Variants in RBMS3 observed in about 807,000 individuals in gnomAD.
The protein encoded by RBMS3 is RNA binding motif single stranded interacting protein 3.
In RBMS3, 27 loss-of-function variants were observed where a neutral mutation model predicts 66.8. The ratio of observed to expected loss-of-function variants is 0.40; its 90% CI spans 0.30 to 0.56. RBMS3 has a LOEUF of 0.56. Ranked by LOEUF, RBMS3 falls within the 20% of genes least tolerant of loss-of-function variation. The pLI is 0.40. For synonymous variants in RBMS3, 188 were observed against 183.0 expected, an observed-to-expected ratio of 1.03 and a Z score of -0.22; for missense variants, 513 against 549.5, an observed-to-expected ratio of 0.93 and a Z score of 0.66.
intron 1 of RBMS3, among the ~76,000 whole-genome samples, chr3:29,286,576 A>G (rs1176924013): frequency 6.6e-6 from 1 of 150,486 alleles, no homozygotes; most frequent in East Asian, 1.9e-4. Flanking sequence ...GCACAAAATT[A>G]TAGCACAAAA....
intron 3 of RBMS3, among the ~76,000 whole-genome samples, chr3:29,549,782 G>A: frequency 6.6e-6 from 1 of 151,688 alleles, no homozygotes; most frequent in Non-Finnish European, 1.5e-5. Flanking sequence ...CTATGCTAGT[G>A]CACAGAGAAA....
At chr3:29,585,965 A>G (rs1412979269) in intron 3 of RBMS3, among the ~76,000 whole-genome samples, 1 of 152,102 alleles carries the variant, frequency 6.6e-6, no homozygotes, top group East Asian at 1.9e-4. Flanking sequence ...TAATTAAAAG[A>G]AACAACTTCG....
intron 11 of RBMS3, among the ~76,000 whole-genome samples, chr3:29,940,879 T>C (rs1162376730): frequency 6.6e-6 from 1 of 151,848 alleles, no homozygotes; most frequent in African/African-American, 2.4e-5. Context: ...CAGCATTCCC[T>C]TGATGGAACC....
chr3:29,330,984 T>C (rs1055418424), intron 1 of RBMS3, among the ~76,000 whole-genome samples: 11 of 152,172 alleles, frequency 7.2e-5, no homozygotes, highest in African/African-American at 1.9e-4. Flanking sequence ...ATTGTATTTT[T>C]ATATTAATGC....
At chr3:29,599,763 A>C (rs1327652831) in intron 4 of RBMS3, among the ~76,000 whole-genome samples, 1 of 151,928 alleles carries the variant, frequency 6.6e-6, no homozygotes, top group Non-Finnish European at 1.5e-5. Context: ...AACTCAGAAA[A>C]GGATAGAATA....
Position 29,477,018 on chromosome 3 carries a change from C to T in RBMS3, c.249-11423C>T, listed in dbSNP as rs138375661. ...TTATTCATAGTAATACTCAAAACTG[C>T]GTATCTATTAAAAAGCTTACAGCAG... On this transcript the variant is annotated intron_variant, in intron 2 of 14. Transcript: ENST00000383767. Among the ~76,000 whole-genome samples, 46 of 152,218 alleles carry T rather than the reference C, an allele frequency of 3.0e-4. No individual in the cohort carries two copies. The East Asian group carries it at 6.6e-3, about 22-fold the overall frequency.
intron 7 of RBMS3, among the ~76,000 whole-genome samples, chr3:29,873,764 A>C (rs764460275): frequency 2.7e-4 from 41 of 152,156 alleles, no homozygotes; most frequent in Non-Finnish European, 5.3e-4. Context: ...ATGTTCCTTC[A>C]AAACCTTGTT....
chr3:29,586,153 C>T (rs2047513979), intron 3 of RBMS3, among the ~76,000 whole-genome samples: 1 of 152,018 alleles, frequency 6.6e-6, no homozygotes, highest in Non-Finnish European at 1.5e-5. Context: ...GTATAGGATA[C>T]ATATGGTGAG....
rs1576618260 is a variant in RBMS3, at chr3:29,722,964, C to CA, written c.400-16756_400-16755insA. Among the ~76,000 whole-genome samples, 3 of 150,944 alleles carry CA rather than the reference C, an allele frequency of 2.0e-5. No homozygotes were observed. In the South Asian group the frequency reaches 6.3e-4, roughly 32 times the overall value. On this transcript the variant is annotated intron_variant, in intron 4 of 14. Coordinates refer to ENST00000383767, the MANE Select transcript of RBMS3 (RefSeq NM_001003793.3). ...AGTTCCTATCAGACTTTTACTCACTCTTTTTTTTTCTTTTCTTTTTTGTTT... is the reference window on the plus strand; with the variant it reads ...AGTTCCTATCAGACTTTTACTCACTCATTTTTTTTTCTTTTCTTTTTTGTTT...
At chr3:29,761,237 C>T (rs1243573369) in intron 5 of RBMS3, among the ~76,000 whole-genome samples, 1 of 151,996 alleles carries the variant, frequency 6.6e-6, no homozygotes, top group Admixed American at 6.6e-5. Context: ...TCATATCCAT[C>T]GATACAGAAA....
chr3:29,956,902 A>T (rs1252276856), intron 12 of RBMS3, among the ~76,000 whole-genome samples: 1 of 151,928 alleles, frequency 6.6e-6, no homozygotes, highest in Non-Finnish European at 1.5e-5. Flanking sequence ...CCTTTTTCAC[A>T]TTCATCTGTT....
intron 1 of RBMS3, among the ~76,000 whole-genome samples, chr3:29,425,229 A>AAAAAAAT (rs2040907103): frequency 6.7e-6 from 1 of 148,626 alleles, no homozygotes; most frequent in Non-Finnish European, 1.5e-5. Context: ...AAAAAAAAAA[A>AAAAAAAT]CAGGCGTGGT....
intron 3 of RBMS3, among the ~76,000 whole-genome samples, chr3:29,551,210 C>G (rs768047366): frequency 5.9e-5 from 9 of 152,122 alleles, no homozygotes; most frequent in Non-Finnish European, 1.3e-4. Context: ...TTTTTCTGAT[C>G]ACATTTTGAT....
intron 3 of RBMS3, among the ~76,000 whole-genome samples, chr3:29,519,195 C>G (rs1342880516): frequency 6.6e-6 from 1 of 152,158 alleles, no homozygotes; most frequent in Non-Finnish European, 1.5e-5. Flanking sequence ...AGCATTTACA[C>G]TACTGCAAAC....
At chr3:29,329,628 C>T (rs2035534348) in intron 1 of RBMS3, among the ~76,000 whole-genome samples, 1 of 151,790 alleles carries the variant, frequency 6.6e-6, no homozygotes, top group Non-Finnish European at 1.5e-5. Flanking sequence ...ATTAACTAGA[C>T]AGATTTTCAT....
chr3:29,653,658 A>G (rs1196094696), intron 4 of RBMS3, among the ~76,000 whole-genome samples: 1 of 152,132 alleles, frequency 6.6e-6, no homozygotes, highest in Admixed American at 6.5e-5. Flanking sequence ...ACTTTCATTC[A>G]TTATGGTTTT....
intron 3 of RBMS3, chr3:29,537,625 C>G (rs1171071204): frequency 6.6e-6 from 1 of 151,876 alleles, no homozygotes; most frequent in Non-Finnish European, 1.5e-5. Flanking sequence ...GAGACCGAGA[C>G]CATCCTGGCT....
chr3:29,286,265 G>C (rs1445107718), intron 1 of RBMS3, among the ~76,000 whole-genome samples: 1 of 151,958 alleles, frequency 6.6e-6, no homozygotes, highest in African/African-American at 2.4e-5. Flanking sequence ...GAGGAAAATA[G>C]AAGGAAGGGG....
intron 4 of RBMS3, among the ~76,000 whole-genome samples, chr3:29,587,812 T>C: frequency 6.6e-6 from 1 of 152,122 alleles, no homozygotes; most frequent in Non-Finnish European, 1.5e-5. Flanking sequence ...TTTTAGGTAT[T>C]AATAATTTTC....
Sources: gnomAD v4.1 joint callset for allele counts (sites outside exome capture counted in the v4.1 genomes callset) on GRCh38, gnomAD v4.1.1 for gene constraint, MANE v1.5 for transcripts, NCBI Gene and HGNC (gene_info 2026-07-23, HGNC 2026-07-21) for gene names.